GRID2: variants seen among roughly 807,000 people sequenced by gnomAD.
GRID2 encodes glutamate ionotropic receptor delta type subunit 2.
In GRID2, 33 loss-of-function variants were observed where a neutral mutation model predicts 114.8. The observed-to-expected ratio is 0.29, with a 90% confidence interval of 0.22 to 0.38. The LOEUF (loss-of-function observed/expected upper bound fraction) is 0.38. Ranked by LOEUF, GRID2 falls within the 10% of genes least tolerant of loss-of-function variation. The pLI is 1.00. For synonymous variants in GRID2, 505 were observed against 449.9 expected (o/e 1.12, Z -1.55); for missense variants, 1,184 against 1,257.7 (o/e 0.94, Z 0.89).
chr4:93,115,301 A>G (rs1234687940), intron 4 of GRID2, among the ~76,000 whole-genome samples: 4 of 151,786 alleles, frequency 2.6e-5, no homozygotes, highest in Non-Finnish European at 5.9e-5. Context: ...TCAAAATTTA[A>G]AAGGTTCAAC....
chr4:92,562,667 G>C (rs748660981), intron 1 of GRID2, among the ~76,000 whole-genome samples: 1 of 152,092 alleles, frequency 6.6e-6, no homozygotes, highest in East Asian at 1.9e-4. Context: ...AACATAGATG[G>C]GCAATGAGTA....
At chr4:93,706,950 C>G (rs989234802) in intron 14 of GRID2, among the ~76,000 whole-genome samples, 1 of 152,084 alleles carries the variant, frequency 6.6e-6, no homozygotes, top group Non-Finnish European at 1.5e-5. Context: ...TTTTTATCAT[C>G]AATTGAAATA....
intron 1 of GRID2, among the ~76,000 whole-genome samples, chr4:93,793,548 A>T (rs1262932747): frequency 3.3e-5 from 5 of 152,158 alleles, no homozygotes; most frequent in Non-Finnish European, 7.4e-5. Context: ...AATTTCAACC[A>T]TCATTGATGC....
chr4:92,780,032 T>G (rs1364651565), intron 2 of GRID2, among the ~76,000 whole-genome samples: 4 of 152,136 alleles, frequency 2.6e-5, no homozygotes, highest in Admixed American at 6.6e-5. Context: ...AATATCAACT[T>G]AATTACTGAG....
chr4:92,751,268 A>G (rs1406217436), intron 2 of GRID2, among the ~76,000 whole-genome samples: 3 of 152,192 alleles, frequency 2.0e-5, no homozygotes, highest in Admixed American at 6.5e-5. Flanking sequence ...ATTAAAAATA[A>G]TATAGTTTTA....
intron 14 of GRID2, among the ~76,000 whole-genome samples, chr4:93,707,591 T>C (rs1728117654): frequency 6.6e-6 from 1 of 152,012 alleles, no homozygotes; most frequent in African/African-American, 2.4e-5. Context: ...TCTCTCTTTT[T>C]TCTTAGTTTG....
At chr4:92,692,887 G>T (rs1018630421) in intron 2 of GRID2, among the ~76,000 whole-genome samples, 8 of 152,016 alleles carry the variant, frequency 5.3e-5, no homozygotes, top group African/African-American at 1.9e-4. Flanking sequence ...GCCAGGCATG[G>T]TGGTGCATGC....
intron 1 of GRID2, among the ~76,000 whole-genome samples, chr4:92,373,763 T>A (rs1457528689): frequency 6.6e-6 from 1 of 152,192 alleles, no homozygotes. Flanking sequence ...ATGTCAGTTA[T>A]ACTTTTGTGG....
intron 2 of GRID2, among the ~76,000 whole-genome samples, chr4:92,816,752 G>A (rs894882535): frequency 7.2e-5 from 11 of 152,172 alleles, no homozygotes; most frequent in Admixed American, 5.2e-4. Context: ...GATTCTAATA[G>A]TACTAGTTTA....
chr4:92,960,168 T>C (rs1250629614), intron 2 of GRID2, among the ~76,000 whole-genome samples: 3 of 152,062 alleles, frequency 2.0e-5, no homozygotes, highest in African/African-American at 7.2e-5. Context: ...TGTTAAAATA[T>C]GTTTTATGGC....
intron 10 of GRID2, among the ~76,000 whole-genome samples, chr4:93,448,296 A>T (rs1722284714): frequency 6.6e-6 from 1 of 151,964 alleles, no homozygotes; most frequent in Non-Finnish European, 1.5e-5. Flanking sequence ...GAGGTTAAAA[A>T]CTATAATAAA....
chr4:92,836,259 C>T (rs1356474907), intron 2 of GRID2, among the ~76,000 whole-genome samples: 1 of 151,948 alleles, frequency 6.6e-6, no homozygotes, highest in Non-Finnish European at 1.5e-5. Flanking sequence ...TGGATTATAG[C>T]TATTGATTTT....
chr4:93,296,338 C>G (rs1348530984), intron 8 of GRID2, among the ~76,000 whole-genome samples: 1 of 134,618 alleles, frequency 7.4e-6, no homozygotes, highest in Non-Finnish European at 1.6e-5. Flanking sequence ...TCTCCCATGT[C>G]AAGATCCTTA....
chr4:92,666,650 GTTTT>G (rs70942922), intron 2 of GRID2, among the ~76,000 whole-genome samples: 2 of 68,594 alleles, frequency 2.9e-5, no homozygotes, highest in South Asian at 5.6e-4. Flanking sequence ...CTTAAGGGTT[GTTTT>G]TTTTTTTTTT....
At chr4:93,144,703 C>G (rs942542095) in intron 4 of GRID2, among the ~76,000 whole-genome samples, 21 of 151,644 alleles carry the variant, frequency 1.4e-4, no homozygotes, top group Admixed American at 1.4e-3. Context: ...ACCAGGGTTT[C>G]TTCATAGTTT....
intron 1 of GRID2, among the ~76,000 whole-genome samples, chr4:93,785,004 G>C (rs529628593): frequency 6.6e-6 from 1 of 152,294 alleles, no homozygotes; most frequent in African/African-American, 2.4e-5. Context: ...CCTTGAAAGA[G>C]AATGTACAAT....
At chr4:92,306,794 T>G (rs1398794) in intron 1 of GRID2, among the ~76,000 whole-genome samples, 66,268 of 152,022 alleles carry the variant, frequency 0.44, 15,772 homozygotes, top group East Asian at 0.76. Context: ...CATTTAAAAA[T>G]TAACTGTGTA....
intron 5 of GRID2, among the ~76,000 whole-genome samples, chr4:93,210,271 T>TA (rs953542007): frequency 6.6e-6 from 1 of 152,044 alleles, no homozygotes; most frequent in Non-Finnish European, 1.5e-5. Flanking sequence ...TATGGTATAA[T>TA]AAAATGGTCC....
chr4:92,876,384 CGCCCCA>C (rs1205186274), intron 2 of GRID2, among the ~76,000 whole-genome samples: 1 of 151,780 alleles, frequency 6.6e-6, no homozygotes, highest in Non-Finnish European at 1.5e-5. Flanking sequence ...CTGCAAGCTC[CGCCCCA>C]GCCTCCAGAG....
Sources: allele counts gnomAD v4.1 joint callset (sites outside exome capture counted in the v4.1 genomes callset), GRCh38; gene constraint gnomAD v4.1.1; transcripts MANE v1.5; gene names NCBI Gene and HGNC (gene_info 2026-07-23, HGNC 2026-07-21).